The following HDAC8 variants were observed in gnomAD, a reference collection of about 807,000 sequenced individuals.
HDAC8 encodes histone deacetylase-like 1.
Under a neutral mutation model 32.2 loss-of-function variants are expected in HDAC8, and 1 was observed. The ratio of observed to expected loss-of-function variants is 0.03; its 90% CI spans 0.01 to 0.15. The LOEUF (loss-of-function observed/expected upper bound fraction) is 0.15, where lower values mean the gene tolerates loss of function less well. Among genes scored for constraint, HDAC8 ranks in the 10% least tolerant of loss-of-function variants. The pLI is 1.00. For synonymous variants in HDAC8, 108 were observed against 113.9 expected, an observed-to-expected ratio of 0.95 and a Z score of 0.33; for missense variants, 117 against 300.0, an observed-to-expected ratio of 0.39 and a Z score of 4.51.
intron 4 of HDAC8, among the ~76,000 whole-genome samples, chrX:72,549,187 T>C (rs1556062871): frequency 9.0e-6 from 1 of 111,723 alleles, no homozygotes; most frequent in African/African-American, 3.3e-5. Flanking sequence ...GTTTCTATGA[T>C]GTCTTTTCTG....
chrX:72,477,874 A>G (rs782124623), intron 7 of HDAC8, among the ~76,000 whole-genome samples: 2 of 112,351 alleles, frequency 1.8e-5, no homozygotes, highest in South Asian at 7.5e-4. Context: ...GATCACTTCA[A>G]TGAAATCCAG....
At chrX:72,333,098 T>G (rs1555941156) in intron 10 of HDAC8, among the ~76,000 whole-genome samples, 1 of 103,483 alleles carries the variant, frequency 9.7e-6, no homozygotes, top group Non-Finnish European at 2.0e-5. Flanking sequence ...CTTATCAATT[T>G]TTTTTCTTTT....
At chrX:72,451,357 G>A (rs1180682457) in intron 9 of HDAC8, among the ~76,000 whole-genome samples, 2 of 110,940 alleles carry the variant, frequency 1.8e-5, no homozygotes, top group African/African-American at 3.3e-5. Flanking sequence ...CCACCACACC[G>A]GGCTTCTTTT....
chrX:72,422,234 T>C (rs1356041037), intron 9 of HDAC8, among the ~76,000 whole-genome samples: 1 of 111,651 alleles, frequency 9.0e-6, no homozygotes, highest in Admixed American at 9.5e-5. Context: ...TTGGTCATTA[T>C]TTATTTAAAA....
chrX:72,369,802 A>G (rs1009055336), intron 9 of HDAC8, among the ~76,000 whole-genome samples: 1 of 113,201 alleles, frequency 8.8e-6, no homozygotes, highest in Non-Finnish European at 1.9e-5. Flanking sequence ...AATGATACAC[A>G]TAATGATTAT....
At chrX:72,429,019 C>CTT (rs34627755) in intron 9 of HDAC8, among the ~76,000 whole-genome samples, 11 of 86,398 alleles carry the variant, frequency 1.3e-4, no homozygotes, top group Admixed American at 4.0e-4. Flanking sequence ...TTCTTTCTTT[C>CTT]TTTCTTTTTT....
chrX:72,434,604 A>T (rs1475188930), intron 9 of HDAC8, among the ~76,000 whole-genome samples: 2 of 111,875 alleles, frequency 1.8e-5, no homozygotes, highest in Non-Finnish European at 3.8e-5. Context: ...ATCACATAGT[A>T]CCTAATACAG....
chrX:72,554,517 G>GGCGGAGAGC (rs2051209939), intron 4 of HDAC8, among the ~76,000 whole-genome samples: 2 of 73,072 alleles, frequency 2.7e-5, no homozygotes, highest in Admixed American at 3.1e-4. Context: ...GGGCGGGGAG[G>GGCGGAGAGC]GCGGGGAGCG....
intron 9 of HDAC8, among the ~76,000 whole-genome samples, chrX:72,439,639 CAAAAAAAAAAA>C (rs782744436): frequency 2.8e-5 from 1 of 36,232 alleles, no homozygotes; most frequent in African/African-American, 9.4e-5. Context: ...AAATGGAAAG[CAAAAAAAAAAA>C]AAAAAAAAGC....
rs782601255 is a variant in HDAC8, at chrX:72,448,778, C to T, written c.1005+13226G>A. ...CAAAAAGTAGGTGAAGGATATGAAC[C>T]GACACTTCTCTAAAGAAGACATTTA... On this transcript the variant is annotated intron_variant, in intron 9 of 10. Coordinates refer to ENST00000373573, the MANE Select transcript of HDAC8 (RefSeq NM_018486.3). Among the ~76,000 whole-genome samples the T allele has an allele frequency of 2.0e-4, 22 of 112,069 alleles. No individual in the cohort carries two copies. In the South Asian group the frequency reaches 4.8e-3, roughly 25 times the overall value.
chrX:72,465,612 C>T (rs1371734217), intron 7 of HDAC8, among the ~76,000 whole-genome samples: 4 of 111,328 alleles, frequency 3.6e-5, no homozygotes, highest in Admixed American at 9.5e-5. Flanking sequence ...ATATACCAGC[C>T]CTCAAGGGCC....
At chrX:72,391,104 T>G (rs2045600857) in intron 9 of HDAC8, among the ~76,000 whole-genome samples, 1 of 112,123 alleles carries the variant, frequency 8.9e-6, no homozygotes. Context: ...TATTAGCCAG[T>G]ATCACTAAAG....
intron 10 of HDAC8, among the ~76,000 whole-genome samples, chrX:72,344,618 AAG>A (rs1451988630): frequency 8.9e-6 from 1 of 112,169 alleles, no homozygotes; most frequent in Non-Finnish European, 1.9e-5. Flanking sequence ...AGTACATCAA[AAG>A]AGAACACATC....
At chrX:72,368,083 C>T (rs782395603) in intron 9 of HDAC8, among the ~76,000 whole-genome samples, 20 of 112,902 alleles carry the variant, frequency 1.8e-4, no homozygotes, top group Non-Finnish European at 2.8e-4. Context: ...ACCAGTCAAC[C>T]AGGTCTGACC....
intron 9 of HDAC8, among the ~76,000 whole-genome samples, chrX:72,456,730 C>T (rs1254208734): frequency 1.8e-5 from 2 of 110,903 alleles, no homozygotes; most frequent in African/African-American, 3.3e-5. Flanking sequence ...ACCCGAGAGG[C>T]GGAGGTTGCA....
At chrX:72,372,128 A>C (rs191484771) in intron 9 of HDAC8, among the ~76,000 whole-genome samples, 116 of 110,574 alleles carry the variant, frequency 1.0e-3, no homozygotes, top group Non-Finnish European at 1.7e-3. Flanking sequence ...CTTTCAGTCT[A>C]TATATATATG....
At chrX:72,441,910 C>A (rs1294456812) in intron 9 of HDAC8, among the ~76,000 whole-genome samples, 1 of 110,985 alleles carries the variant, frequency 9.0e-6, no homozygotes, top group African/African-American at 3.3e-5. Flanking sequence ...GGAGCCGATG[C>A]GATCAACTGG....
intron 9 of HDAC8, among the ~76,000 whole-genome samples, chrX:72,432,555 A>AT (rs377451052): frequency 6.9e-4 from 69 of 99,304 alleles, no homozygotes; most frequent in Middle Eastern, 5.0e-3. Flanking sequence ...CCCTTTAGTT[A>AT]TTTTTTTTTT....
Position 72,491,022 on chromosome X carries a change from A to G in HDAC8, c.551-16T>C. 1 of 1,110,599 alleles carries G rather than the reference A, an allele frequency of 9.0e-7. No homozygotes were observed. The highest frequency in any genetic ancestry group is 1.2e-6 in the Non-Finnish European group (1 of 805,161). 91.5% of individuals were successfully genotyped at this position (1,110,599 alleles called of 1,213,427 possible). On this transcript the variant is annotated splice_polypyrimidine_tract_variant and intron_variant, in intron 5 of 10. Transcript: ENST00000373573. ...TCTTCTACACCTAACAGATAAAGAA[A>G]CATCAAAAGAATCACTTCACATATG...
Sources: allele counts gnomAD v4.1 joint callset (sites outside exome capture counted in the v4.1 genomes callset), GRCh38; gene constraint gnomAD v4.1.1; transcripts MANE v1.5; gene names NCBI Gene and HGNC (gene_info 2026-07-23, HGNC 2026-07-21).